Variants in IKBKB-DT observed in about 807,000 individuals in gnomAD.
IKBKB-DT encodes IKBKB divergent transcript.
At chr8:42,267,012 T>G (rs1807381464) in intron 1 of IKBKB-DT, among the ~76,000 whole-genome samples, 2 of 148,226 alleles carry the variant, frequency 1.3e-5, no homozygotes, top group African/African-American at 2.6e-5. Context: ...TTGTTTTTTT[T>G]TTTTTTGAGG....
chr8:42,269,935 T>C (rs9298621), intron 1 of IKBKB-DT, among the ~76,000 whole-genome samples: 3,532 of 152,292 alleles, frequency 0.023, 146 homozygotes, highest in African/African-American at 0.081. Context: ...TTTGGCTGTT[T>C]TCAATTTCCA....
chr8:42,244,125 G>T (rs183409573), intron 3 of IKBKB-DT, among the ~76,000 whole-genome samples: 1 of 152,160 alleles, frequency 6.6e-6, no homozygotes, highest in African/African-American at 2.4e-5. Flanking sequence ...TTCACAAAAT[G>T]TATTCCTTAT....
chr8:42,249,569 C>A (rs116058507), intron 3 of IKBKB-DT, among the ~76,000 whole-genome samples: 88 of 151,976 alleles, frequency 5.8e-4, no homozygotes, highest in African/African-American at 2.0e-3. Context: ...ACATGAGAAC[C>A]TACAAAGCTC....
intron 3 of IKBKB-DT, among the ~76,000 whole-genome samples, chr8:42,251,024 C>A (rs1465128544): frequency 6.6e-6 from 1 of 152,262 alleles, no homozygotes; most frequent in African/African-American, 2.4e-5. Flanking sequence ...GTGGGCAGAT[C>A]ACTTGAGGTC....
intron 2 of IKBKB-DT, among the ~76,000 whole-genome samples, chr8:42,264,612 G>A (rs1279112725): frequency 1.3e-5 from 2 of 152,158 alleles, no homozygotes; most frequent in Non-Finnish European, 2.9e-5. Flanking sequence ...AGGCTGGAGT[G>A]CAGTAGCACG....
intron 3 of IKBKB-DT, among the ~76,000 whole-genome samples, chr8:42,256,496 C>G (rs773640878): frequency 1.3e-5 from 2 of 151,936 alleles, no homozygotes; most frequent in African/African-American, 4.8e-5. Flanking sequence ...CACTTGAACC[C>G]GAGAGGCAGA....
chr8:42,240,420 C>T (rs1348637076), intron 3 of IKBKB-DT, among the ~76,000 whole-genome samples: 1 of 151,028 alleles, frequency 6.6e-6, no homozygotes, highest in Non-Finnish European at 1.5e-5. Flanking sequence ...GTCAGGAGAT[C>T]GAGACCATCC....
intron 1 of IKBKB-DT, among the ~76,000 whole-genome samples, chr8:42,268,381 C>T (rs546136358): frequency 2.0e-5 from 3 of 151,874 alleles, no homozygotes; most frequent in Non-Finnish European, 4.4e-5. Context: ...GTGATCTGCC[C>T]GCCTTGGCCT....
intron 1 of IKBKB-DT, among the ~76,000 whole-genome samples, chr8:42,270,148 C>T (rs1807533736): frequency 6.6e-6 from 1 of 152,164 alleles, no homozygotes; most frequent in Non-Finnish European, 1.5e-5. Context: ...GAACCAGTTG[C>T]TAGGGTTTGA....
chr8:42,259,433 T>C (rs567790146), intron 3 of IKBKB-DT, among the ~76,000 whole-genome samples: 1 of 152,338 alleles, frequency 6.6e-6, no homozygotes, highest in South Asian at 2.1e-4. Flanking sequence ...ATTCAGCAAT[T>C]AATGCTTCCA....
chr8:42,239,614 T>TTATATATATATATACATATATATATA (rs1806972480), intron 3 of IKBKB-DT, among the ~76,000 whole-genome samples: 1 of 19,910 alleles, frequency 5.0e-5, no homozygotes, highest in Admixed American at 8.2e-4. Context: ...AAAAGGCAAT[T>TTATATATATATATACATATATATATA]TATATATATA....
intron 3 of IKBKB-DT, among the ~76,000 whole-genome samples, chr8:42,237,089 T>TG (rs201221523): frequency 2.2e-4 from 33 of 151,268 alleles, no homozygotes; most frequent in African/African-American, 7.3e-4. Flanking sequence ...AGTTTTTTTT[T>TG]TTTGTTTGTT....
rs560263623 is a variant in IKBKB-DT, at chr8:42,270,316, A to C, written n.603+335T>G. ...GGAGACCAGCCTGGGCAACACAGTG[A>C]GTGAGACCCCGCCACCAGGTATGGC... On this transcript the variant is annotated intron_variant and non_coding_transcript_variant, in intron 1 of 3. Transcript: ENST00000518213. The C allele has an allele frequency of 7.9e-4, 121 of 152,434 alleles. 2 individuals carry two copies. Among genetic ancestry groups the C allele is most frequent in the African/African-American group, 2.6e-3 (108 of 41,560 alleles). The allele number at this position is 152,434 out of a possible 1,614,324, so 9.4% of individuals were successfully genotyped here. A position where few individuals can be genotyped will look rare whatever the true frequency, so the allele number is the denominator to read the frequency against.
At chr8:42,239,361 C>T (rs28545395) in intron 3 of IKBKB-DT, among the ~76,000 whole-genome samples, 7,970 of 151,720 alleles carry the variant, frequency 0.053, 675 homozygotes, top group African/African-American at 0.18. Context: ...TGGGCCACTG[C>T]GTCTGCCATT....
At chr8:42,258,384 A>G (rs1281152527) in intron 3 of IKBKB-DT, among the ~76,000 whole-genome samples, 1 of 152,014 alleles carries the variant, frequency 6.6e-6, no homozygotes, top group Non-Finnish European at 1.5e-5. Context: ...GGCTCAAGCA[A>G]TACTCTTGCC....
rs117754164 is a variant in IKBKB-DT at position 42,249,687 on chromosome 8, C to T, written n.1529+13642G>A. 1.7e-3 allele frequency among the ~76,000 whole-genome samples: 261 copies of T among 152,220 alleles called. 3 individuals carry two copies. The highest frequency in any genetic ancestry group is 3.4e-3 in the Middle Eastern group (1 of 294). ...TGTGGCCAGGGACAAGTTGCTTCAC[C>T]GCTGTTCCATTTCCTCATTTGCAAT... On this transcript the variant is annotated intron_variant and non_coding_transcript_variant, in intron 3 of 3. Coordinates refer to ENST00000518213, the Ensembl canonical transcript of IKBKB-DT.
intron 3 of IKBKB-DT, among the ~76,000 whole-genome samples, chr8:42,257,613 G>T (rs28824514): frequency 0.057 from 8,697 of 152,016 alleles, 761 homozygotes; most frequent in African/African-American, 0.19. Flanking sequence ...ACTTCATGTA[G>T]AGTTTGATTT....
chr8:42,257,862 A>G (rs1283045509), intron 3 of IKBKB-DT, among the ~76,000 whole-genome samples: 1 of 152,042 alleles, frequency 6.6e-6, no homozygotes, highest in African/African-American at 2.4e-5. Flanking sequence ...GTAAAACATT[A>G]CTCAGTTATC....
intron 1 of IKBKB-DT, among the ~76,000 whole-genome samples, chr8:42,269,243 C>T (rs1807431792): frequency 6.6e-6 from 1 of 150,432 alleles, no homozygotes; most frequent in South Asian, 2.1e-4. Flanking sequence ...CCCCTTGAAC[C>T]CAGGAGGTCA....
Sources: gnomAD v4.1 joint callset for allele counts (sites outside exome capture counted in the v4.1 genomes callset) on GRCh38, gnomAD v4.1.1 for gene constraint, MANE v1.5 for transcripts, NCBI Gene and HGNC (gene_info 2026-07-23, HGNC 2026-07-21) for gene names.